The following AGBL1 variants were observed in gnomAD, a reference collection of about 807,000 sequenced individuals.
The protein encoded by AGBL1 is AGBL carboxypeptidase 1.
A neutral mutation model predicts 118.9 loss-of-function variants in AGBL1; 130 were observed. That is an observed-to-expected ratio of 1.09 (90% CI 0.95 to 1.26). The LOEUF (loss-of-function observed/expected upper bound fraction) is 1.26. AGBL1 is among the 50% of genes most tolerant of loss of function. AGBL1 has a pLI of 0.00. For missense variants in AGBL1, 1,584 were observed against 1,298.1 expected, an observed-to-expected ratio of 1.22 and a Z score of -3.38; for synonymous variants, 555 against 478.9, an observed-to-expected ratio of 1.16 and a Z score of -2.08.
At chr15:86,825,387 TAAAAAAAAAAAAAA>T (rs869042604) in intron 22 of AGBL1, among the ~76,000 whole-genome samples, 25 of 11,148 alleles carry the variant, frequency 2.2e-3, no homozygotes, top group Middle Eastern at 0.083. Context: ...GTAGAAACTG[TAAAAAAAAAAAAAA>T]AAAAAAAAAA....
At chr15:86,482,937 A>AG (rs1419135702) in intron 18 of AGBL1, among the ~76,000 whole-genome samples, 1 of 152,058 alleles carries the variant, frequency 6.6e-6, no homozygotes, top group East Asian at 1.9e-4. Context: ...TACTGTCTGC[A>AG]GGGGGGCCAT....
chr15:86,913,548 G>T lies in AGBL1; in HGVS notation c.*6254G>T, dbSNP rs1049114852. ...AGTTCTTATGACAAGTAGTTAAACA[G>T]AGGAGAGCACTGACTGTTTACAAGG... On this transcript the variant is annotated 3_prime_UTR_variant, in exon 23 of 23. Coordinates refer to ENST00000614907, the MANE Select transcript of AGBL1 (RefSeq NM_001386094.1). 5.9e-5 allele frequency: 9 copies of T among 152,228 alleles called. No individual in the cohort carries two copies. Among genetic ancestry groups the T allele is most frequent in the African/African-American group, 2.2e-4 (9 of 41,450 alleles). 9.4% of individuals were successfully genotyped at this position (152,228 alleles called of 1,614,324 possible).
intron 17 of AGBL1, among the ~76,000 whole-genome samples, chr15:86,366,394 T>C (rs527889250): frequency 4.6e-5 from 7 of 152,326 alleles, no homozygotes; most frequent in Non-Finnish European, 7.4e-5. Flanking sequence ...ATGGTCATCA[T>C]ATCCTATATG....
chr15:86,298,246 A>AT lies in AGBL1; in HGVS notation c.2374+2838_2374+2839insT, dbSNP rs1555462936. Among the ~76,000 whole-genome samples, 61 of 69,806 alleles carry AT rather than the reference A, an allele frequency of 8.7e-4. 4 individuals are homozygous for AT. The highest frequency in any genetic ancestry group is 3.7e-3 in the African/African-American group (57 of 15,352). The allele number at this position is 69,806 out of a possible 152,430, so 45.8% of individuals were successfully genotyped here. On this transcript the variant is annotated intron_variant, in intron 17 of 22. Transcript: ENST00000614907. The stretch of plus-strand genomic sequence containing the variant: ...GTATACAGGGTACGTGTCTGTGTAT[A>AT]ATATATATATATATATATATATATA...
At chr15:86,930,170 C>T (rs1267277024) in intron 23 of AGBL1, among the ~76,000 whole-genome samples, 1 of 152,164 alleles carries the variant, frequency 6.6e-6, no homozygotes, top group Non-Finnish European at 1.5e-5. Context: ...TAACGAATAT[C>T]ACTGGAATGG....
intron 6 of AGBL1, among the ~76,000 whole-genome samples, chr15:86,244,889 A>G (rs375364131): frequency 2.0e-5 from 3 of 152,212 alleles, no homozygotes; most frequent in African/African-American, 7.2e-5. Flanking sequence ...ATAGGCTGCA[A>G]ACTCCTTCAG....
At chr15:86,473,274 G>A (rs2082505032) in intron 18 of AGBL1, among the ~76,000 whole-genome samples, 1 of 152,186 alleles carries the variant, frequency 6.6e-6, no homozygotes, top group Non-Finnish European at 1.5e-5. Context: ...AATGTGATAG[G>A]AAGAGTGAGG....
chr15:86,408,371 C>G (rs1428214931), intron 18 of AGBL1, among the ~76,000 whole-genome samples: 1 of 152,212 alleles, frequency 6.6e-6, no homozygotes, highest in African/African-American at 2.4e-5. Context: ...CAATTCAAAG[C>G]TCCTGCTGTA....
chr15:86,614,216 C>G (rs1596310431), intron 21 of AGBL1, among the ~76,000 whole-genome samples: 1 of 152,076 alleles, frequency 6.6e-6, no homozygotes, highest in Non-Finnish European at 1.5e-5. Flanking sequence ...ATACTCTGCC[C>G]CTAATGGTTG....
At chr15:86,591,467 G>T (rs2084334891) in intron 21 of AGBL1, among the ~76,000 whole-genome samples, 1 of 152,148 alleles carries the variant, frequency 6.6e-6, no homozygotes, top group Admixed American at 6.5e-5. Context: ...TGACCCACTG[G>T]CTTGAAGTTG....
chr15:86,464,896 A>G (rs1437721575), intron 18 of AGBL1, among the ~76,000 whole-genome samples: 1 of 151,100 alleles, frequency 6.6e-6, no homozygotes, highest in Non-Finnish European at 1.5e-5. Context: ...TTGGCCTGAA[A>G]TTTTCTTTTT....
At chr15:86,940,942 T>C (rs1389534917) in intron 23 of AGBL1, among the ~76,000 whole-genome samples, 2 of 152,212 alleles carry the variant, frequency 1.3e-5, no homozygotes, top group African/African-American at 4.8e-5. Flanking sequence ...TCTGCTCAGC[T>C]CACTGGAACT....
chr15:86,426,748 A>T (rs1192211214), intron 18 of AGBL1, among the ~76,000 whole-genome samples: 1 of 152,134 alleles, frequency 6.6e-6, no homozygotes, highest in East Asian at 1.9e-4. Context: ...TATTTTGTCC[A>T]CTATGTTATG....
chr15:86,404,979 G>A (rs577672191), intron 18 of AGBL1, among the ~76,000 whole-genome samples: 1 of 152,282 alleles, frequency 6.6e-6, no homozygotes, highest in South Asian at 2.1e-4. Flanking sequence ...ATGCTCTTGA[G>A]CTTTAAATTG....
chr15:86,826,257 T>G (rs1007363314), intron 22 of AGBL1, among the ~76,000 whole-genome samples: 1 of 152,160 alleles, frequency 6.6e-6, no homozygotes, highest in Non-Finnish European at 1.5e-5. Flanking sequence ...ATCATTGATG[T>G]TCTGGAGAAC....
intron 18 of AGBL1, among the ~76,000 whole-genome samples, chr15:86,453,859 A>G (rs1248849408): frequency 6.6e-6 from 1 of 152,230 alleles, no homozygotes; most frequent in African/African-American, 2.4e-5. Context: ...TTAAAATATC[A>G]TATTTTGTAA....
chr15:86,179,528 C>T (rs11635258), intron 5 of AGBL1, among the ~76,000 whole-genome samples: 46,787 of 151,906 alleles, frequency 0.31, 8,762 homozygotes, highest in Non-Finnish European at 0.42. Context: ...CAATAAAAAG[C>T]GCAATACATT....
intron 21 of AGBL1, among the ~76,000 whole-genome samples, chr15:86,568,487 G>C (rs1460427897): frequency 2.6e-5 from 4 of 152,298 alleles, no homozygotes; most frequent in South Asian, 2.1e-4. Context: ...TCAAATGGAG[G>C]CTGTAAATCC....
In AGBL1 at chr15:86,229,286, T is replaced by A. The variant is rs1299578542; in HGVS notation, c.526+4335T>A. On this transcript the variant is annotated intron_variant, in intron 6 of 22. Transcript: ENST00000614907. ...TTTAATTGACTCAGTTTTGCAGGGC[T>A]GAGGAGGCCTCAGGAAACTTACAAT... Among the ~76,000 whole-genome samples the A allele has an allele frequency of 3.9e-5, 6 of 152,156 alleles. No individual in the cohort carries two copies. In the East Asian group the frequency reaches 1.2e-3, roughly 29 times the overall value.
Sources: gnomAD v4.1 joint callset for allele counts (sites outside exome capture counted in the v4.1 genomes callset) on GRCh38, gnomAD v4.1.1 for gene constraint, MANE v1.5 for transcripts, NCBI Gene and HGNC (gene_info 2026-07-23, HGNC 2026-07-21) for gene names.